Variants in CSMD1 observed in about 807,000 individuals in gnomAD.
CSMD1 encodes the protein CUB and sushi domain-containing protein 1.
Under a neutral mutation model 417.5 loss-of-function variants are expected in CSMD1, and 213 were observed. The observed-to-expected ratio is 0.51, with a 90% CI of 0.46 to 0.57. The LOEUF is 0.57. CSMD1 is among the 20% of genes least tolerant of loss of function. The pLI is 0.00. For missense variants in CSMD1, 6,923 were observed against 4,529.7 expected (o/e 1.53, Z -15.17); for synonymous variants, 2,862 against 1,736.8 (o/e 1.65, Z -16.11).
chr8:4,293,427 G>T (rs1436313115), intron 3 of CSMD1, among the ~76,000 whole-genome samples: 1 of 152,102 alleles, frequency 6.6e-6, no homozygotes, highest in African/African-American at 2.4e-5. Context: ...CGGCTAAAAA[G>T]TGTTTTAAAA....
intron 10 of CSMD1, among the ~76,000 whole-genome samples, chr8:3,560,128 G>C (rs1003044707): frequency 3.9e-5 from 6 of 152,094 alleles, no homozygotes; most frequent in Admixed American, 1.3e-4. Context: ...TGTAGTGCTG[G>C]GTTCAGCAAA....
chr8:3,660,218 T>G (rs972071589), intron 7 of CSMD1, among the ~76,000 whole-genome samples: 1 of 152,188 alleles, frequency 6.6e-6, no homozygotes, highest in Non-Finnish European at 1.5e-5. Context: ...ATTATCTACA[T>G]TTGAAGCCTC....
chr8:4,127,175 G>A (rs909259412), intron 3 of CSMD1, among the ~76,000 whole-genome samples: 2 of 152,000 alleles, frequency 1.3e-5, no homozygotes, highest in Non-Finnish European at 2.9e-5. Flanking sequence ...GATATTTAAA[G>A]TTCCTGCTAT....
intron 5 of CSMD1, among the ~76,000 whole-genome samples, chr8:3,798,691 T>C (rs980015974): frequency 6.6e-6 from 1 of 152,128 alleles, no homozygotes; most frequent in Non-Finnish European, 1.5e-5. Context: ...TATAAGTGTA[T>C]ATACACATGT....
chr8:3,777,222 T>C (rs949359518), intron 5 of CSMD1, among the ~76,000 whole-genome samples: 1 of 151,936 alleles, frequency 6.6e-6, no homozygotes, highest in Admixed American at 6.6e-5. Context: ...TGCCTTCTCC[T>C]ATAGAACATG....
Position 3,756,081 on chromosome 8 carries a change from G to A in CSMD1, c.819-2039C>T, listed in dbSNP as rs184775733. Among the ~76,000 whole-genome samples, 12 of 152,166 alleles carry A rather than the reference G, an allele frequency of 7.9e-5. No homozygotes were observed. The East Asian group carries it at 2.1e-3, about 27-fold the overall frequency. The stretch of plus-strand genomic sequence containing the variant: ...TACTTTAAAAAATCATTGTGGCCGG[G>A]CGCAGTGGCTCACACCTCTAATCCC... On this transcript the variant is annotated intron_variant, in intron 5 of 69. Coordinates refer to ENST00000635120, the MANE Select transcript of CSMD1 (RefSeq NM_033225.6).
chr8:4,906,253 A>G (rs1489706596), intron 1 of CSMD1, among the ~76,000 whole-genome samples: 4 of 152,226 alleles, frequency 2.6e-5, no homozygotes, highest in Non-Finnish European at 5.9e-5. Context: ...ACACTTCCTG[A>G]ACTCTTTTCC....
intron 3 of CSMD1, among the ~76,000 whole-genome samples, chr8:4,288,834 G>A (rs1049486963): frequency 1.3e-5 from 2 of 152,152 alleles, no homozygotes; most frequent in Admixed American, 6.5e-5. Flanking sequence ...CGTCAGTAAA[G>A]CACTAATATA....
At chr8:3,961,029 T>A (rs2129979366) in intron 5 of CSMD1, among the ~76,000 whole-genome samples, 1 of 152,078 alleles carries the variant, frequency 6.6e-6, no homozygotes, top group Non-Finnish European at 1.5e-5. Flanking sequence ...ATTCCCATTT[T>A]AAAAAAGAGG....
intron 2 of CSMD1, among the ~76,000 whole-genome samples, chr8:4,576,983 AGT>A (rs1196859607): frequency 6.6e-6 from 1 of 152,220 alleles, no homozygotes; most frequent in Non-Finnish European, 1.5e-5. Context: ...CGATGAACAC[AGT>A]GTGATTCTAT....
intron 50 of CSMD1, among the ~76,000 whole-genome samples, chr8:3,033,672 C>G (rs1055749053): frequency 6.7e-6 from 1 of 150,192 alleles, no homozygotes; most frequent in African/African-American, 2.4e-5. Context: ...ACCTAGATGA[C>G]AGGTTGACGG....
intron 3 of CSMD1, among the ~76,000 whole-genome samples, chr8:4,175,226 C>T (rs1008614426): frequency 1.3e-5 from 2 of 152,070 alleles, no homozygotes; most frequent in Non-Finnish European, 2.9e-5. Context: ...CTAAGGTGAT[C>T]TCACAATGTC....
At chr8:4,181,189 A>T (rs549061039) in intron 3 of CSMD1, among the ~76,000 whole-genome samples, 3 of 152,162 alleles carry the variant, frequency 2.0e-5, no homozygotes, top group African/African-American at 7.2e-5. Context: ...CATTGAATAA[A>T]TAGACATCCC....
At chr8:4,582,560 TAGCA>T (rs1266704581) in intron 2 of CSMD1, among the ~76,000 whole-genome samples, 2 of 152,152 alleles carry the variant, frequency 1.3e-5, no homozygotes, top group African/African-American at 4.8e-5. Flanking sequence ...AGACAGTCTC[TAGCA>T]AGCTCCAAAG....
At chr8:4,404,122 G>A (rs371980663) in intron 3 of CSMD1, among the ~76,000 whole-genome samples, 3 of 152,068 alleles carry the variant, frequency 2.0e-5, no homozygotes, top group South Asian at 2.1e-4. Context: ...AGAATTCCAC[G>A]CGAGTGTTTA....
intron 3 of CSMD1, among the ~76,000 whole-genome samples, chr8:4,375,362 CAG>C (rs905305737): frequency 1.6e-4 from 25 of 152,238 alleles, no homozygotes; most frequent in African/African-American, 6.0e-4. Flanking sequence ...ACCATCCACA[CAG>C]GGGCACTTTT....
chr8:4,163,082 C>G (rs891360586), intron 3 of CSMD1, among the ~76,000 whole-genome samples: 1 of 152,142 alleles, frequency 6.6e-6, no homozygotes, highest in Admixed American at 6.5e-5. Flanking sequence ...TTTGTTTTAG[C>G]AATGAATAAT....
At chr8:4,213,081 G>A (rs1800419232) in intron 3 of CSMD1, among the ~76,000 whole-genome samples, 3 of 152,016 alleles carry the variant, frequency 2.0e-5, no homozygotes, top group Admixed American at 2.0e-4. Context: ...TGTCTAAGAT[G>A]GAAGAATATA....
chr8:3,557,847 G>A (rs79828883), intron 10 of CSMD1, among the ~76,000 whole-genome samples: 95 of 152,222 alleles, frequency 6.2e-4, no homozygotes, highest in African/African-American at 2.2e-3. Flanking sequence ...TACTCCAAAG[G>A]TAACTTAAGG....
Sources: allele counts gnomAD v4.1 joint callset (sites outside exome capture counted in the v4.1 genomes callset), GRCh38; gene constraint gnomAD v4.1.1; transcripts MANE v1.5; gene names NCBI Gene and HGNC (gene_info 2026-07-23, HGNC 2026-07-21).